NEDD9: variants seen among roughly 807,000 people sequenced by gnomAD.
NEDD9 encodes neural precursor cell expressed, developmentally down-regulated 9.
A neutral mutation model predicts 76.6 loss-of-function variants in NEDD9; 26 were observed. That is an observed-to-expected ratio of 0.34 (90% CI 0.25 to 0.47). The LOEUF is 0.47. Among genes scored for constraint, NEDD9 ranks in the 20% least tolerant of loss-of-function variants. The pLI, the probability that NEDD9 is intolerant of heterozygous loss-of-function variation, is 1.00. For synonymous variants in NEDD9, 392 were observed against 414.2 expected, an observed-to-expected ratio of 0.95 and a Z score of 0.65; for missense variants, 937 against 1,058.5, an observed-to-expected ratio of 0.89 and a Z score of 1.59.
rs749013841 is a variant in NEDD9, at chr6:11,190,680, C to T, written c.1189G>A (p.Ala397Thr). ...TCCAGGAAGAGCCTTTTGTCCTGAG[C>T]TGGGGAGGCTGACAGTGAGGACTCC... ...SKESSLSASP[A>T]QDKRLFLDPD... The change falls in exon 5 of 7, where the codon GCT becomes ACT. Residue 397 changes from alanine (A) to threonine (T), a missense_variant. Coordinates refer to ENST00000379446, the MANE Select transcript of NEDD9 (RefSeq NM_006403.4). The surrounding 1 kb of genome is among the most constrained non-coding windows in gnomAD (Gnocchi z 5.8). The T allele has an allele frequency of 6.2e-7, 1 of 1,614,126 alleles. No homozygotes were observed. The highest frequency in any genetic ancestry group is 2.2e-5 in the East Asian group (1 of 44,886).
At chr6:11,348,079 C>T (rs973080231) in intron 1 of NEDD9, among the ~76,000 whole-genome samples, 1 of 152,182 alleles carries the variant, frequency 6.6e-6, no homozygotes, top group Non-Finnish European at 1.5e-5. Flanking sequence ...TGATAAGCAA[C>T]TTCATCAAAG....
chr6:11,378,208 A>G (rs756649037), intron 1 of NEDD9, among the ~76,000 whole-genome samples: 1 of 152,130 alleles, frequency 6.6e-6, no homozygotes, highest in Non-Finnish European at 1.5e-5. Flanking sequence ...GCACCACTGC[A>G]CTCCAGCCTG....
intron 1 of NEDD9, among the ~76,000 whole-genome samples, chr6:11,214,707 C>T (rs1399860194): frequency 1.3e-5 from 2 of 152,210 alleles, no homozygotes; most frequent in East Asian, 1.9e-4. Context: ...TTTCCCAGCA[C>T]GCGGGCAGCC....
At chr6:11,353,739 C>A (rs1336775097) in intron 1 of NEDD9, among the ~76,000 whole-genome samples, 1 of 152,160 alleles carries the variant, frequency 6.6e-6, no homozygotes, top group African/African-American at 2.4e-5. Flanking sequence ...CGTGGAAAAC[C>A]TGGTGACTCA....
chr6:11,244,260 T>TACAC (rs148837935), intron 3 of NEDD9, among the ~76,000 whole-genome samples: 4 of 151,164 alleles, frequency 2.6e-5, no homozygotes, highest in South Asian at 4.2e-4. Context: ...TCTTTCTCTT[T>TACAC]ACACACACAC....
At chr6:11,186,329 G>A (rs1299536656) in intron 6 of NEDD9, among the ~76,000 whole-genome samples, 1 of 152,192 alleles carries the variant, frequency 6.6e-6, no homozygotes, top group South Asian at 2.1e-4. Flanking sequence ...TAGTCCCCCA[G>A]AGCTGTTAAA....
At chr6:11,321,809 T>A (rs1761810987) in intron 2 of NEDD9, among the ~76,000 whole-genome samples, 1 of 152,124 alleles carries the variant, frequency 6.6e-6, no homozygotes, top group Non-Finnish European at 1.5e-5. Context: ...AGACAAACCT[T>A]CCAGGAAAGT....
chr6:11,267,141 C>T (rs1760214867), intron 3 of NEDD9, among the ~76,000 whole-genome samples: 1 of 152,192 alleles, frequency 6.6e-6, no homozygotes. Flanking sequence ...TGGCTGCTGC[C>T]TTCAATCGCT....
chr6:11,241,900 T>C lies in NEDD9; in HGVS notation c.13-28173A>G, dbSNP rs186980964. On this transcript the variant is annotated intron_variant, in intron 3 of 3. Transcript: ENST00000397378. This position sits in a 1 kb window ranked among gnomAD's most constrained non-coding sequence, Gnocchi z 4.0. ...GGCGCTCGTGAGCGCATGAAAGGAA[T>C]CCGGATAATACAAGGCCTGGTGGAG... Among the ~76,000 whole-genome samples the C allele has an allele frequency of 2.6e-5, 4 of 152,250 alleles. No individual in the cohort carries two copies. The East Asian group carries it at 7.7e-4, about 29-fold the overall frequency.
upstream of NEDD9, among the ~76,000 whole-genome samples, chr6:11,234,710 T>C (rs1050051606): frequency 1.7e-5 from 2 of 116,924 alleles, no homozygotes; most frequent in African/African-American, 7.3e-5. Context: ...AAAACATTTT[T>C]AATTTTTTTT....
At chr6:11,195,351 A>G (rs531738190) in intron 2 of NEDD9, among the ~76,000 whole-genome samples, 37 of 152,322 alleles carry the variant, frequency 2.4e-4, no homozygotes, top group African/African-American at 8.4e-4. Context: ...ATACGGAACC[A>G]CTTTATAGAA....
chr6:11,213,842 T>C lies in NEDD9; in HGVS notation c.13-115A>G. ...CTTCCTGGAAAGAGAGAAGCATAAA[T>C]CTGAACAATAGACTGTAAGGAGAAA... On this transcript the variant is annotated intron_variant, in intron 1 of 6. Transcript: ENST00000379446. The surrounding 1 kb of genome is among the most constrained non-coding windows in gnomAD (Gnocchi z 5.4). 1 of 920,326 alleles carries C rather than the reference T, an allele frequency of 1.1e-6. No homozygotes were observed. The highest frequency in any genetic ancestry group is 1.6e-6 in the Non-Finnish European group (1 of 609,484). 57.0% of individuals were successfully genotyped at this position (920,326 alleles called of 1,614,324 possible).
At chr6:11,332,235 C>T (rs1762054987) in intron 2 of NEDD9, among the ~76,000 whole-genome samples, 1 of 152,190 alleles carries the variant, frequency 6.6e-6, no homozygotes, top group Admixed American at 6.5e-5. Context: ...CTTCATGTTT[C>T]CATTTCAAGA....
intron 1 of NEDD9, among the ~76,000 whole-genome samples, chr6:11,361,376 A>G (rs1476388171): frequency 1.3e-5 from 2 of 152,212 alleles, no homozygotes; most frequent in Non-Finnish European, 2.9e-5. Flanking sequence ...GGGAGGTCTC[A>G]GGAGGCTTAC....
At chr6:11,235,771 C>T (rs893866009), upstream of NEDD9, among the ~76,000 whole-genome samples, 1 of 152,138 alleles carries the variant, frequency 6.6e-6, no homozygotes, top group African/African-American at 2.4e-5. This position sits in a 1 kb window ranked among gnomAD's most constrained non-coding sequence, Gnocchi z 4.1. Context: ...TAGGCACGAG[C>T]TTAGTGTGTC....
At chr6:11,352,844 G>T (rs1269152874) in intron 1 of NEDD9, 1 of 152,170 alleles carries the variant, frequency 6.6e-6, no homozygotes, top group Non-Finnish European at 1.5e-5. Context: ...CTTATAATCT[G>T]GGTCTCATTA....
chr6:11,203,070 C>G (rs1758501895), intron 2 of NEDD9, among the ~76,000 whole-genome samples: 2 of 152,162 alleles, frequency 1.3e-5, no homozygotes, highest in African/African-American at 4.8e-5. Flanking sequence ...GTAGCCAGTG[C>G]TAAAGCAATA....
At chr6:11,210,324 C>A (rs971733403) in intron 2 of NEDD9, among the ~76,000 whole-genome samples, 7 of 152,152 alleles carry the variant, frequency 4.6e-5, no homozygotes, top group Non-Finnish European at 8.8e-5. Flanking sequence ...TTTTAAACCC[C>A]ACCCCGGTGG....
In NEDD9 at chr6:11,190,692, A is replaced by C; in HGVS notation, c.1177T>G (p.Ser393Ala). 6.2e-7 allele frequency: 1 copy of C among 1,614,174 alleles called. No individual in the cohort carries two copies. The highest frequency in any genetic ancestry group is 2.2e-5 in the East Asian group (1 of 44,886). ...SSTSSKESSL[S>A]ASPAQDKRLF... The stretch of plus-strand genomic sequence containing the variant: ...CTTTTGTCCTGAGCTGGGGAGGCTG[A>C]CAGTGAGGACTCCTTGGAGGAGGTG... The change falls in exon 5 of 7, where the codon TCA (serine) becomes GCA (alanine). Residue 393 changes from serine to alanine, a missense_variant. Ser to Ala is a moderately conservative substitution (Grantham distance 99, BLOSUM62 1). Transcript: ENST00000379446. This position sits in a 1 kb window ranked among gnomAD's most constrained non-coding sequence, Gnocchi z 5.8.
Sources: gnomAD v4.1 joint callset for allele counts (sites outside exome capture counted in the v4.1 genomes callset) on GRCh38, gnomAD v4.1.1 for gene constraint, Gnocchi (gnomAD v3.1) non-coding constraint, MANE v1.5 for transcripts, NCBI Gene and HGNC (gene_info 2026-07-23, HGNC 2026-07-21) for gene names.